ALS2: variants seen among roughly 807,000 people sequenced by gnomAD.
The protein encoded by ALS2 is alsin.
ALS2 carries 117 observed loss-of-function variants against 203.4 expected under a neutral mutation model. The observed-to-expected ratio is 0.58, with a 90% CI of 0.50 to 0.67. ALS2 has a LOEUF of 0.67. ALS2 is among the 30% of genes least tolerant of loss of function. The pLI is 0.00. For synonymous variants in ALS2, 718 were observed against 725.9 expected (o/e 0.99, Z 0.17); for missense variants, 1,715 against 1,989.4 (o/e 0.86, Z 2.62).
chr2:201,720,628 C>T (rs6713927), intron 23 of ALS2, among the ~76,000 whole-genome samples: 6 of 150,812 alleles, frequency 4.0e-5, no homozygotes, highest in African/African-American at 1.2e-4. Context: ...GAGGGAGGAT[C>T]GCTTGAGCCC....
At chr2:201,727,330 A>G (rs781251049) in intron 16 of ALS2, 52 bp from the exon 17 acceptor site, 2 of 1,381,204 alleles carry the variant, frequency 1.4e-6, no homozygotes, top group East Asian at 2.3e-5. Context: ...CTGTCATTAC[A>G]GTATCGATCC....
Position 201,715,754 on chromosome 2 carries a change from C to T in ALS2, c.3922G>A (p.Gly1308Ser), listed in dbSNP as rs772971390. ...DECWRQLGCEGPGQGEVWKAW... is the reference protein window; with the variant it reads ...DECWRQLGCESPGQGEVWKAW... Reference sequence around the variant, plus strand: ...TTCCAAACTTCCCCTTGGCCTGGGCCCTCACAGCCCAGTTGGCGCCAACAT... The same window carrying T: ...TTCCAAACTTCCCCTTGGCCTGGGCTCTCACAGCCCAGTTGGCGCCAACAT... The change falls in exon 25 of 34, where the codon GGC (glycine) becomes AGC (serine). Residue 1308 changes from glycine (G) to serine (S), a missense_variant. By Grantham distance (56) the Gly-to-Ser change is moderately conservative. Transcript: ENST00000264276. 2 of 1,614,194 alleles carry T rather than the reference C, an allele frequency of 1.2e-6. No homozygotes were observed. The highest frequency in any genetic ancestry group is 1.7e-6 in the Non-Finnish European group (2 of 1,180,028).
chr2:201,706,583 C>A (rs1338839365), intron 29 of ALS2, among the ~76,000 whole-genome samples: 2 of 145,764 alleles, frequency 1.4e-5, no homozygotes, highest in Admixed American at 6.8e-5. Flanking sequence ...AAATACATTA[C>A]TAATATATAA....
In ALS2 at chr2:201,761,681, C is replaced by T. The variant is rs760204583; in HGVS notation, c.313G>A (p.Ala105Thr). The T allele has an allele frequency of 4.3e-5, 69 of 1,614,090 alleles. No individual in the cohort carries two copies. Among genetic ancestry groups the T allele is most frequent in the Non-Finnish European group, 5.7e-5 (67 of 1,180,054 alleles). ...TVATGSFHSG[A>T]VTDNGVAYMW... Reference sequence around the variant, plus strand: ...TACGCGACACCATTGTCTGTCACTGCTCCACTATGGAAGCTTCCTGTTGCC... The same window carrying T: ...TACGCGACACCATTGTCTGTCACTGTTCCACTATGGAAGCTTCCTGTTGCC... The change falls in exon 4 of 34, where the codon GCA (alanine) becomes ACA (threonine). Residue 105 changes from alanine (A) to threonine (T), a missense_variant. Ala to Thr is a moderately conservative substitution (Grantham distance 58). Transcript: ENST00000264276.
At chr2:201,713,550 GATCT>G (rs1211308268) in intron 25 of ALS2, among the ~76,000 whole-genome samples, 30 of 152,158 alleles carry the variant, frequency 2.0e-4, no homozygotes, top group Non-Finnish European at 3.4e-4. Context: ...AATCCATACT[GATCT>G]ATCTTCAGGT....
intron 9 of ALS2, among the ~76,000 whole-genome samples, chr2:201,746,127 C>T (rs1692625813): frequency 6.6e-6 from 1 of 152,108 alleles, no homozygotes; most frequent in Non-Finnish European, 1.5e-5. Flanking sequence ...TCTAATTCAC[C>T]TCGAGGGCTC....
At position 201,707,929 on chromosome 2, in the gene ALS2, G is replaced by T; in HGVS notation, c.4343C>A (p.Thr1448Asn). The change falls in exon 28 of 34, where the codon ACC becomes AAC. Residue 1448 changes from threonine (T) to asparagine (N), a missense_variant. Coordinates refer to ENST00000264276, the MANE Select transcript of ALS2 (RefSeq NM_020919.4). ...STIPLSAPLP[T>N]ERKSFCTGKS... Reference sequence around the variant, plus strand: ...CCCAGTGCAAAAAGACTTCCTTTCGGTTGGCAGAGGAGCAGAGAGAGGAAT... The same window carrying T: ...CCCAGTGCAAAAAGACTTCCTTTCGTTTGGCAGAGGAGCAGAGAGAGGAAT... The T allele has an allele frequency of 6.2e-7, 1 of 1,613,622 alleles. No individual in the cohort carries two copies. The highest frequency in any genetic ancestry group is 8.5e-7 in the Non-Finnish European group (1 of 1,179,712).
chr2:201,767,192 T>G (rs758565092), intron 3 of ALS2, 37 bp downstream of exon 3: 117 of 1,613,406 alleles, frequency 7.3e-5, no homozygotes, highest in Non-Finnish European at 9.5e-5. Context: ...TTTGTTAGCA[T>G]TGCAGTTCGT....
At chr2:201,750,479 T>A (rs1692962502) in intron 7 of ALS2, among the ~76,000 whole-genome samples, 1 of 152,160 alleles carries the variant, frequency 6.6e-6, no homozygotes, top group African/African-American at 2.4e-5. Context: ...GGAAGAGTAA[T>A]CATGATTTCC....
chr2:201,723,005 T>G lies in ALS2; in HGVS notation c.3702+38A>C, dbSNP rs748751447. The G allele has an allele frequency of 8.8e-6, 13 of 1,477,870 alleles. No individual in the cohort carries two copies. In the Admixed American group the frequency reaches 2.5e-4, roughly 28 times the overall value. 91.5% of individuals were successfully genotyped at this position (1,477,870 alleles called of 1,614,324 possible). On this transcript the variant is annotated intron_variant, in intron 23 of 33. Coordinates refer to ENST00000264276, the MANE Select transcript of ALS2 (RefSeq NM_020919.4). ...AAGTAAAAAAAAATTAGTAAAAGAA[T>G]TTATTAGGGAGAAAAAAAAAGAAAG...
chr2:201,725,274 G>C (rs1473754330), intron 20 of ALS2, 82 bp downstream of exon 20: 2 of 1,145,270 alleles, frequency 1.7e-6, no homozygotes, highest in Non-Finnish European at 2.6e-6. Flanking sequence ...CTTAAAACTT[G>C]GAAATTTTGG....
intron 23 of ALS2, among the ~76,000 whole-genome samples, chr2:201,719,430 A>C (rs1323615915): frequency 6.6e-6 from 1 of 152,172 alleles, no homozygotes; most frequent in Non-Finnish European, 1.5e-5. Flanking sequence ...CTCTACTAAA[A>C]ATACAAAAAT....
chr2:201,724,258 T>C, intron 21 of ALS2, 37 bp downstream of exon 21: 6 of 1,587,758 alleles, frequency 3.8e-6, no homozygotes, highest in Non-Finnish European at 5.2e-6. Flanking sequence ...GCTTAATCAT[T>C]GGCTTAAACT....
At chr2:201,743,262 T>C (rs1383550539) in intron 10 of ALS2, among the ~76,000 whole-genome samples, 1 of 151,992 alleles carries the variant, frequency 6.6e-6, no homozygotes. Context: ...AAAAAAAATT[T>C]GAAATAGGAA....
intron 19 of ALS2, among the ~76,000 whole-genome samples, chr2:201,726,199 C>A (rs1691152168): frequency 6.6e-6 from 1 of 152,132 alleles, no homozygotes; most frequent in Non-Finnish European, 1.5e-5. Flanking sequence ...CCAAAGATCT[C>A]AGTCTTCACA....
chr2:201,766,966 T>C (rs906756927), intron 3 of ALS2, among the ~76,000 whole-genome samples: 3 of 144,926 alleles, frequency 2.1e-5, no homozygotes, highest in Admixed American at 2.0e-4. Context: ...CGGGGAGGGA[T>C]AGCATTAGGA....
At chr2:201,737,362 CAACTGTAT>C (rs1342167637) in intron 12 of ALS2, among the ~76,000 whole-genome samples, 1 of 151,988 alleles carries the variant, frequency 6.6e-6, no homozygotes, top group Non-Finnish European at 1.5e-5. Flanking sequence ...TACCAAGAGA[CAACTGTAT>C]AAGTAAATTT....
intron 12 of ALS2, among the ~76,000 whole-genome samples, chr2:201,734,570 T>C (rs1353233580): frequency 6.6e-6 from 1 of 152,294 alleles, no homozygotes; most frequent in South Asian, 2.1e-4. Context: ...AGAGATCAGC[T>C]GAGGACTTAT....
chr2:201,767,657 C>T (rs778351383), intron 2 of ALS2, among the ~76,000 whole-genome samples: 1 of 150,832 alleles, frequency 6.6e-6, no homozygotes, highest in African/African-American at 2.4e-5. Flanking sequence ...GGTAGGAGCT[C>T]GAGACCAGCC....
Sources: gnomAD v4.1 joint callset for allele counts (sites outside exome capture counted in the v4.1 genomes callset) on GRCh38, gnomAD v4.1.1 for gene constraint, MANE v1.5 for transcripts, NCBI Gene and HGNC (gene_info 2026-07-23, HGNC 2026-07-21) for gene names.